Variants in ANKRD28 observed in about 807,000 individuals in gnomAD.
The protein encoded by ANKRD28 is serine/threonine-protein phosphatase 6 regulatory ankyrin repeat subunit A.
Under a neutral mutation model 126.5 loss-of-function variants are expected in ANKRD28, and 44 were observed. That is an observed-to-expected ratio of 0.35 (90% CI 0.27 to 0.45). The LOEUF (loss-of-function observed/expected upper bound fraction) is 0.45. ANKRD28 is among the 20% of genes least tolerant of loss of function. ANKRD28 has a pLI of 1.00. For missense variants in ANKRD28, 1,110 were observed against 1,316.6 expected (o/e 0.84, Z 2.43); for synonymous variants, 442 against 468.5 (o/e 0.94, Z 0.73).
intron 2 of ANKRD28, among the ~76,000 whole-genome samples, chr3:15,768,926 C>T (rs1399699259): frequency 6.6e-6 from 1 of 152,144 alleles, no homozygotes; most frequent in Non-Finnish European, 1.5e-5. Context: ...AATTATTCAA[C>T]AATTGTTGAA....
At position 15,853,229 on chromosome 3, in the gene ANKRD28, C is replaced by T. The variant is rs985459167; in HGVS notation, c.27+6148G>A. ...GTTACTGATTTGATATGATGTGAAC[C>T]GCCCATAGGATACATTATTCAAAAC... On this transcript the variant is annotated intron_variant, in intron 1 of 27. Coordinates refer to the ANKRD28 transcript ENST00000399451. This position sits in a 1 kb window ranked among gnomAD's most constrained non-coding sequence, Gnocchi z 4.2. 6.6e-6 allele frequency among the ~76,000 whole-genome samples: 1 copy of T among 151,920 alleles called. No individual in the cohort carries two copies. Among genetic ancestry groups the T allele is most frequent in the Non-Finnish European group, 1.5e-5 (1 of 67,978 alleles).
chr3:15,678,618 A>T (rs1427601944), intron 23 of ANKRD28, among the ~76,000 whole-genome samples: 2 of 152,200 alleles, frequency 1.3e-5, no homozygotes, highest in African/African-American at 4.8e-5. Flanking sequence ...ATAACATTAC[A>T]TCATTAAAGG....
chr3:15,808,888 A>G (rs2060646113), intron 1 of ANKRD28, among the ~76,000 whole-genome samples: 1 of 152,192 alleles, frequency 6.6e-6, no homozygotes, highest in Middle Eastern at 3.4e-3. Flanking sequence ...ACTCTACAAT[A>G]TTGGGCAATA....
intron 8 of ANKRD28, among the ~76,000 whole-genome samples, chr3:15,720,057 C>A (rs1057492721): frequency 2.0e-5 from 3 of 151,794 alleles, no homozygotes; most frequent in African/African-American, 4.8e-5. Context: ...TTTTGTGGAG[C>A]CAGGTTATGC....
At position 15,812,183 on chromosome 3, in the gene ANKRD28, A is replaced by G. The variant is rs928115194; in HGVS notation, c.28-16877T>C. Among the ~76,000 whole-genome samples, 13 of 152,014 alleles carry G rather than the reference A, an allele frequency of 8.6e-5. No individual in the cohort carries two copies. The highest frequency in any genetic ancestry group is 1.8e-4 in the Non-Finnish European group (12 of 67,988). ...ACAAAACAAAACAAAACGAAACCCAAAACAACAATAAAATGTTTCTAAGAT... is the reference window on the plus strand; with the variant it reads ...ACAAAACAAAACAAAACGAAACCCAGAACAACAATAAAATGTTTCTAAGAT... On this transcript the variant is annotated intron_variant, in intron 1 of 27. Transcript: ENST00000399451. The surrounding 1 kb of genome is among the most constrained non-coding windows in gnomAD (Gnocchi z 4.1).
chr3:15,695,307 T>A, intron 15 of ANKRD28, 93 bp from the exon 16 acceptor site: 1 of 920,572 alleles, frequency 1.1e-6, no homozygotes, highest in South Asian at 1.6e-5. Flanking sequence ...ACTTTTACCC[T>A]AAACCCGTGC....
At position 15,737,546 on chromosome 3, in the gene ANKRD28, C is replaced by G. The variant is rs540181676; in HGVS notation, c.352-313G>C. ...AGAGAGCAATCATAGCTCACCGTAA[C>G]TTCAAATTCCTTGGCTTAAGTGATC... On this transcript the variant is annotated intron_variant, in intron 4 of 27. Transcript: ENST00000683139. Among the ~76,000 whole-genome samples, 3 of 152,278 alleles carry G rather than the reference C, an allele frequency of 2.0e-5. No homozygotes were observed. The South Asian group carries it at 6.2e-4, about 32-fold the overall frequency.
chr3:15,702,962 T>C (rs1263979514), intron 14 of ANKRD28, among the ~76,000 whole-genome samples: 6 of 152,348 alleles, frequency 3.9e-5, no homozygotes, highest in Admixed American at 1.3e-4. Flanking sequence ...TGACAGAGTT[T>C]AGACTAGTAT....
chr3:15,792,853 T>G (rs753813572), intron 2 of ANKRD28, among the ~76,000 whole-genome samples: 11 of 151,902 alleles, frequency 7.2e-5, no homozygotes, highest in Non-Finnish European at 1.0e-4. Context: ...TACCCACAAA[T>G]TTTTTTTAAA....
Position 15,817,442 on chromosome 3 carries a change from G to A in ANKRD28, c.28-22136C>T, listed in dbSNP as rs2060855496. The stretch of plus-strand genomic sequence containing the variant: ...GCTCTAAGTACTCACCTTCTAATAA[G>A]GGAAAAGAGAAATAAAAAGTAAACT... On this transcript the variant is annotated intron_variant, in intron 1 of 27. Transcript: ENST00000399451. This position sits in a 1 kb window ranked among gnomAD's most constrained non-coding sequence, Gnocchi z 4.5. Among the ~76,000 whole-genome samples, 1 of 151,982 alleles carries A rather than the reference G, an allele frequency of 6.6e-6. No homozygotes were observed.
upstream of ANKRD28, among the ~76,000 whole-genome samples, chr3:15,801,848 T>C (rs2060471265): frequency 6.6e-6 from 1 of 152,204 alleles, no homozygotes; most frequent in East Asian, 1.9e-4. This position sits in a 1 kb window ranked among gnomAD's most constrained non-coding sequence, Gnocchi z 4.9. Flanking sequence ...CCAGGACACT[T>C]ATTTTTTATG....
rs538676696 is a variant in ANKRD28, at chr3:15,702,751, T to C, written c.1547+5173A>G. ...CTCAGCCAGGAAAACAGATGTGGTA[T>C]TGTCACTCCAAGAGGCCCTCCCTCC... is the stretch of plus-strand genomic sequence containing the variant. On this transcript the variant is annotated intron_variant, in intron 14 of 27. Transcript: ENST00000683139. 4.6e-5 allele frequency among the ~76,000 whole-genome samples: 7 copies of C among 152,200 alleles called. No homozygotes were observed. The East Asian group carries it at 9.7e-4, about 21-fold the overall frequency.
At chr3:15,744,656 A>G (rs2057358683) in intron 4 of ANKRD28, among the ~76,000 whole-genome samples, 1 of 152,040 alleles carries the variant, frequency 6.6e-6, no homozygotes. Context: ...ACTGATGCGT[A>G]TTTGGGCTGG....
intron 3 of ANKRD28, among the ~76,000 whole-genome samples, chr3:15,757,729 C>T (rs2058241446): frequency 6.6e-6 from 1 of 152,046 alleles, no homozygotes; most frequent in Admixed American, 6.6e-5. Context: ...TTCCCAGGCC[C>T]CAGAACTGAG....
chr3:15,694,601 G>A, intron 17 of ANKRD28, 138 bp downstream of exon 17: 2 of 522,572 alleles, frequency 3.8e-6, no homozygotes, highest in East Asian at 3.2e-5. Context: ...ATTAAAGAAA[G>A]TTCTCAAAGT....
chr3:15,840,390 C>G (rs2061403345), intron 1 of ANKRD28, among the ~76,000 whole-genome samples: 1 of 152,018 alleles, frequency 6.6e-6, no homozygotes, highest in African/African-American at 2.4e-5. Flanking sequence ...TTGATGAAGA[C>G]ACACAAAAAA....
chr3:15,840,760 G>C (rs774335572), intron 1 of ANKRD28, among the ~76,000 whole-genome samples: 53 of 152,182 alleles, frequency 3.5e-4, no homozygotes, highest in Non-Finnish European at 6.8e-4. Flanking sequence ...ACTCATTTTT[G>C]ACAAATGTGC....
At chr3:15,857,164 T>C (rs2061791117) in intron 1 of ANKRD28, among the ~76,000 whole-genome samples, 1 of 152,212 alleles carries the variant, frequency 6.6e-6, no homozygotes. Context: ...CCCTTTAAAC[T>C]AGGCAAAACC....
chr3:15,728,439 G>A (rs776346785), intron 6 of ANKRD28, among the ~76,000 whole-genome samples: 19 of 152,118 alleles, frequency 1.2e-4, no homozygotes, highest in Non-Finnish European at 2.6e-4. Context: ...GACTACAGAT[G>A]CATGCCACCA....
Sources: gnomAD v4.1 joint callset for allele counts (sites outside exome capture counted in the v4.1 genomes callset) on GRCh38, gnomAD v4.1.1 for gene constraint, Gnocchi (gnomAD v3.1) non-coding constraint, MANE v1.5 for transcripts, NCBI Gene and HGNC (gene_info 2026-07-23, HGNC 2026-07-21) for gene names.